PRICKLE2: variants seen among roughly 807,000 people sequenced by gnomAD.
The protein encoded by PRICKLE2 is prickle planar cell polarity protein 2, also known as prickle-like protein 2.
Under a neutral mutation model 81.4 loss-of-function variants are expected in PRICKLE2, and 21 were observed. The ratio of observed to expected loss-of-function variants is 0.26; its 90% CI spans 0.18 to 0.37. The LOEUF (loss-of-function observed/expected upper bound fraction) is 0.37. Among genes scored for constraint, PRICKLE2 ranks in the 10% least tolerant of loss-of-function variants. PRICKLE2 has a pLI of 1.00. For missense variants in PRICKLE2, 940 were observed against 1,109.0 expected, an observed-to-expected ratio of 0.85 and a Z score of 2.16; for synonymous variants, 456 against 421.5, an observed-to-expected ratio of 1.08 and a Z score of -1.00.
At position 64,098,470 on chromosome 3, in the gene PRICKLE2, A is replaced by AT. The variant is rs2076601816; in HGVS notation, c.*580_*581insA. 1 of 68,790 alleles carries AT rather than the reference A, an allele frequency of 1.5e-5. No individual in the cohort carries two copies. Among genetic ancestry groups the AT allele is most frequent in the Non-Finnish European group, 3.2e-5 (1 of 31,220 alleles). The allele number at this position is 68,790 out of a possible 1,614,324, so 4.3% of individuals were successfully genotyped here. A position where few individuals can be genotyped will look rare whatever the true frequency, so the allele number is the denominator to read the frequency against. ...TCACTGACATGTAACAAATTTGTATAGAAAAAAAAAAAAAAAAAAAAAAGG... is the reference window on the plus strand; with the variant it reads ...TCACTGACATGTAACAAATTTGTATATGAAAAAAAAAAAAAAAAAAAAAAGG... On this transcript the variant is annotated 3_prime_UTR_variant, in exon 8 of 8. Coordinates refer to ENST00000638394, the MANE Select transcript of PRICKLE2 (RefSeq NM_198859.4).
At chr3:64,187,579 A>G (rs1217195446) in intron 2 of PRICKLE2, 3 of 152,290 alleles carry the variant, frequency 2.0e-5, no homozygotes, top group Non-Finnish European at 4.4e-5. Flanking sequence ...GAGTAATGAA[A>G]TAAAGACAAC....
intron 7 of PRICKLE2, among the ~76,000 whole-genome samples, chr3:64,108,392 C>A (rs1041098770): frequency 6.6e-6 from 1 of 152,188 alleles, no homozygotes; most frequent in Non-Finnish European, 1.5e-5. Context: ...AATCGATTTC[C>A]TCAACATCCC....
chr3:64,136,662 T>C (rs2106996440), intron 7 of PRICKLE2, among the ~76,000 whole-genome samples: 1 of 152,042 alleles, frequency 6.6e-6, no homozygotes, highest in East Asian at 1.9e-4. Flanking sequence ...AGGAAGGTGA[T>C]GGTCGGTGCA....
chr3:64,162,396 C>T (rs17720836), intron 3 of PRICKLE2, among the ~76,000 whole-genome samples: 29,941 of 151,814 alleles, frequency 0.2, 3,330 homozygotes, highest in Non-Finnish European at 0.24. Flanking sequence ...AATCAGATTT[C>T]GAGGATAAGA....
In PRICKLE2 at chr3:64,157,068, G is replaced by T. The variant is rs147654531; in HGVS notation, c.600+94C>A. The T allele has an allele frequency of 1.9e-3, 2,294 of 1,180,320 alleles. 5 individuals are homozygous for T. Among genetic ancestry groups the T allele is most frequent in the Non-Finnish European group, 2.6e-3 (2,072 of 787,322 alleles). The allele number at this position is 1,180,320 out of a possible 1,614,324, so 73.1% of individuals were successfully genotyped here. A position where few individuals can be genotyped will look rare whatever the true frequency, so the allele number is the denominator to read the frequency against. On this transcript the variant is annotated intron_variant, in intron 5 of 7. Transcript: ENST00000638394. ...ATGCAAGAAAATGAAGTTGCCTATG[G>T]CTTTCTTCAGTGCAGAAAGCCAGAA...
Position 64,099,228 on chromosome 3 carries a change from G to C in PRICKLE2, c.2358C>G (p.Asn786Lys), listed in dbSNP as rs765451868. The change falls in exon 8 of 8, where the codon AAC (asparagine) becomes AAG (lysine). Residue 786 changes from asparagine to lysine, a missense_variant. This residue lies in a region of PRICKLE2 where 670 missense variants were observed against 717.2 expected (regional missense o/e 0.93). Transcript: ENST00000638394. This position sits in a 1 kb window ranked among gnomAD's most constrained non-coding sequence, Gnocchi z 4.3. Reference sequence around the variant, plus strand: ...TGGGTTCTCCTAGGAAATAGCCCTCGTTGTCAGACTCTGAAGAGGAGGAGC... The same window carrying C: ...TGGGTTCTCCTAGGAAATAGCCCTCCTTGTCAGACTCTGAAGAGGAGGAGC... ...STCSSSSESD[N>K]EGYFLGEPIP... The C allele has an allele frequency of 6.8e-6, 11 of 1,614,170 alleles. No homozygotes were observed. The highest frequency in any genetic ancestry group is 1.3e-5 in the African/African-American group (1 of 75,044).
At chr3:64,206,255 C>T (rs1251948362) in intron 1 of PRICKLE2, among the ~76,000 whole-genome samples, 8 of 152,052 alleles carry the variant, frequency 5.3e-5, no homozygotes, top group African/African-American at 1.2e-4. Context: ...GTGATGCAGC[C>T]GGTCCTCCAA....
intron 7 of PRICKLE2, among the ~76,000 whole-genome samples, chr3:64,112,954 G>A (rs1416386799): frequency 7.5e-6 from 1 of 133,420 alleles, no homozygotes; most frequent in African/African-American, 2.8e-5. Context: ...CACTGAGAAT[G>A]GATGGAGGCA....
intron 2 of PRICKLE2, among the ~76,000 whole-genome samples, chr3:64,170,172 A>C (rs1420862051): frequency 6.6e-6 from 1 of 152,210 alleles, no homozygotes; most frequent in Non-Finnish European, 1.5e-5. Flanking sequence ...TTACTCAGGA[A>C]GCAATTTAGG....
chr3:64,127,059 C>T (rs961809138), intron 7 of PRICKLE2, among the ~76,000 whole-genome samples: 1 of 152,204 alleles, frequency 6.6e-6, no homozygotes, highest in Non-Finnish European at 1.5e-5. Flanking sequence ...GATAAAGTTC[C>T]TGCCCTTAAG....
intron 2 of PRICKLE2, among the ~76,000 whole-genome samples, chr3:64,179,913 A>C: frequency 6.6e-6 from 1 of 152,352 alleles, no homozygotes; most frequent in South Asian, 2.1e-4. Flanking sequence ...TCCCAAAACT[A>C]GTCAAAGGAT....
intron 2 of PRICKLE2, among the ~76,000 whole-genome samples, chr3:64,184,566 T>C (rs556769528): frequency 1.3e-5 from 2 of 152,280 alleles, no homozygotes; most frequent in South Asian, 2.1e-4. Context: ...CTTGAACTCC[T>C]GAGCTCAAGC....
chr3:64,219,522 T>A (rs1272515562), intron 1 of PRICKLE2, among the ~76,000 whole-genome samples: 2 of 152,178 alleles, frequency 1.3e-5, no homozygotes, highest in African/African-American at 4.8e-5. Flanking sequence ...CAGGGTGTCT[T>A]CTGACTTTCC....
At position 64,252,750 on chromosome 3, in the gene PRICKLE2, GT is replaced by G. The variant is rs11328467; in HGVS notation, c.129-53784del. On this transcript the variant is annotated intron_variant, in intron 2 of 8. Coordinates refer to the PRICKLE2 transcript ENST00000295902. ...TCTCTGGATCTTGATTTCCTCAGGGGTAAAACCTCACTGGATTAGATCAGGG... is the reference window on the plus strand; with the variant it reads ...TCTCTGGATCTTGATTTCCTCAGGGGAAAACCTCACTGGATTAGATCAGGG... Among the ~76,000 whole-genome samples the G allele has an allele frequency of 6.5e-3, 992 of 152,268 alleles. 18 individuals are homozygous for G. Among genetic ancestry groups the G allele is most frequent in the African/African-American group, 0.023 (936 of 41,546 alleles).
At chr3:64,224,237 C>G (rs568510969) in intron 1 of PRICKLE2, among the ~76,000 whole-genome samples, 5 of 152,260 alleles carry the variant, frequency 3.3e-5, no homozygotes, top group African/African-American at 1.2e-4. Context: ...AACAAAAAAC[C>G]ATGGGATTAA....
chr3:64,253,586 G>A (rs183697972), intron 2 of PRICKLE2, among the ~76,000 whole-genome samples: 16 of 152,224 alleles, frequency 1.1e-4, no homozygotes, highest in East Asian at 5.8e-4. Flanking sequence ...TTCTTTGACC[G>A]GCTCAAGACC....
intron 7 of PRICKLE2, among the ~76,000 whole-genome samples, chr3:64,128,173 C>G (rs2077140139): frequency 6.6e-6 from 1 of 152,128 alleles, no homozygotes; most frequent in South Asian, 2.1e-4. Context: ...AAGGGCTGGC[C>G]TGGTCTAAGA....
intron 1 of PRICKLE2, among the ~76,000 whole-genome samples, chr3:64,201,358 C>G (rs2078575503): frequency 6.6e-6 from 1 of 152,230 alleles, no homozygotes; most frequent in African/African-American, 2.4e-5. Flanking sequence ...TACATTCCCA[C>G]CACTGATGAA....
intron 6 of PRICKLE2, among the ~76,000 whole-genome samples, chr3:64,150,673 C>A (rs1212424074): frequency 6.6e-6 from 1 of 152,180 alleles, no homozygotes; most frequent in Non-Finnish European, 1.5e-5. Context: ...TCCCCACTCC[C>A]TGTTAGAGGT....
Sources: allele counts gnomAD v4.1 joint callset (sites outside exome capture counted in the v4.1 genomes callset), GRCh38; gene constraint gnomAD v4.1.1; regional missense constraint gnomAD v4.1.1; non-coding constraint Gnocchi (gnomAD v3.1); transcripts MANE v1.5; gene names NCBI Gene and HGNC (gene_info 2026-07-23, HGNC 2026-07-21).